COQ10B: variants seen among roughly 807,000 people sequenced by gnomAD.
COQ10B encodes the protein coenzyme Q10B, also known as coenzyme Q-binding protein COQ10 homolog B, mitochondrial.
Under a neutral mutation model 27.6 loss-of-function variants are expected in COQ10B, and 12 were observed. The observed-to-expected ratio is 0.43, with a 90% CI of 0.28 to 0.70. The LOEUF is 0.70. COQ10B is among the 30% of genes least tolerant of loss of function. The pLI is 0.17. For synonymous variants in COQ10B, 115 were observed against 103.0 expected (o/e 1.12, Z -0.71); for missense variants, 278 against 288.7 (o/e 0.96, Z 0.27).
At chr2:197,460,134 G>T (rs1352661440) in intron 2 of COQ10B, 53 bp downstream of exon 2, 15 of 1,346,290 alleles carry the variant, frequency 1.1e-5, no homozygotes, top group Non-Finnish European at 1.5e-5. Flanking sequence ...ATTTTCCGTG[G>T]GGTATCGTGT....
rs538331793 is a variant in COQ10B, at chr2:197,475,209, C to T, written c.*1285C>T. Reference sequence around the variant, plus strand: ...GACATAGTAAAGTGTTACAGCATTTCATGTCTTAAAAATATCTATGAAGAT... The same window carrying T: ...GACATAGTAAAGTGTTACAGCATTTTATGTCTTAAAAATATCTATGAAGAT... On this transcript the variant is annotated 3_prime_UTR_variant, in exon 5 of 5. Transcript: ENST00000263960. 6.6e-6 allele frequency: 1 copy of T among 152,390 alleles called. No homozygotes were observed. The highest frequency in any genetic ancestry group is 2.4e-5 in the African/African-American group (1 of 41,544). 9.4% of individuals were successfully genotyped at this position (152,390 alleles called of 1,614,324 possible). A position where few individuals can be genotyped will look rare whatever the true frequency, so the allele number is the denominator to read the frequency against.
rs539669130 is a variant in COQ10B, at chr2:197,457,669, T to C, written c.105-2263T>C. 1.2e-4 allele frequency among the ~76,000 whole-genome samples: 18 copies of C among 152,128 alleles called. No homozygotes were observed. In the East Asian group the frequency reaches 3.5e-3, roughly 29 times the overall value. On this transcript the variant is annotated intron_variant, in intron 1 of 4. Coordinates refer to ENST00000263960, the MANE Select transcript of COQ10B (RefSeq NM_025147.5). ...GGGAGTCTTGCTCTGTTGCCCAGGC[T>C]GGAGTGCAATGGTGCCGTCTCGGCT...
intron 1 of COQ10B, 160 bp downstream of exon 1, chr2:197,453,824 A>C (rs948837132): frequency 9.6e-7 from 1 of 1,046,158 alleles, no homozygotes; most frequent in East Asian, 2.6e-5. Context: ...TGAGGGACTC[A>C]AGAGCGGCGC....
At chr2:197,467,509 C>T (rs1259480134) in intron 3 of COQ10B, among the ~76,000 whole-genome samples, 2 of 152,122 alleles carry the variant, frequency 1.3e-5, no homozygotes, top group African/African-American at 4.8e-5. Context: ...TCCTGTGTAG[C>T]TGGGATTAAA....
intron 3 of COQ10B, among the ~76,000 whole-genome samples, chr2:197,462,991 C>G (rs2085778233): frequency 6.6e-6 from 1 of 152,096 alleles, no homozygotes; most frequent in Admixed American, 6.6e-5. Flanking sequence ...CAGGACAGAT[C>G]ACTTGCGCCA....
intron 3 of COQ10B, 119 bp from the exon 4 acceptor site, chr2:197,469,951 G>A: frequency 3.3e-6 from 2 of 609,880 alleles, no homozygotes; most frequent in East Asian, 5.9e-5. Context: ...ATCTCCTATG[G>A]TCTGACCTAT....
intron 3 of COQ10B, among the ~76,000 whole-genome samples, chr2:197,467,809 T>C (rs1037482432): frequency 2.6e-5 from 4 of 152,264 alleles, no homozygotes; most frequent in African/African-American, 9.6e-5. Flanking sequence ...GACCAAAACA[T>C]GCCTGTCACT....
At position 197,465,502 on chromosome 2, in the gene COQ10B, C is replaced by T. The variant is rs570852292; in HGVS notation, c.447+2771C>T. 1.4e-4 allele frequency among the ~76,000 whole-genome samples: 21 copies of T among 151,950 alleles called. No individual in the cohort carries two copies. In the South Asian group the frequency reaches 4.1e-3, roughly 30 times the overall value. On this transcript the variant is annotated intron_variant, in intron 3 of 4. Transcript: ENST00000263960. ...AGACGGGGTTTCTCCATATTGGCCA[C>T]GCTGGTCTTGAACTCCTGACCTCAG...
Position 197,460,072 on chromosome 2 carries a change from G to T in COQ10B, c.245G>T (p.Arg82Ile), listed in dbSNP as rs1260686447. 6.2e-7 allele frequency: 1 copy of T among 1,605,024 alleles called. No individual in the cohort carries two copies. ...INKRKEYSER[R>I]ILGYSMQEMY... ...AAAAGGAAAGAATATTCAGAGAGAA[G>T]AATTTTAGGGTTCGTATATGATAAG... The change falls in exon 2 of 5, where the codon AGA becomes ATA. Residue 82 changes from arginine (R) to isoleucine (I), a missense_variant. Coordinates refer to ENST00000263960, the MANE Select transcript of COQ10B (RefSeq NM_025147.5).
Position 197,470,103 on chromosome 2 carries a change from T to C in COQ10B, c.481T>C (p.Leu161=). ...TACTGATGGGAGACTTTTCAATCAT[T>C]TGGAGACTATTTGGCGTTTTAGCCC... ...SCTDGRLFNH[L]ETIWRFSPGL... is the part of the protein sequence containing the mutation. The change falls in exon 4 of 5, where the codon TTG becomes CTG. Residue 161 remains leucine (L), a synonymous_variant. Transcript: ENST00000263960. The C allele has an allele frequency of 6.2e-7, 1 of 1,613,510 alleles. No individual in the cohort carries two copies. The highest frequency in any genetic ancestry group is 8.5e-7 in the Non-Finnish European group (1 of 1,179,570).
At chr2:197,458,641 C>G (rs2085724501) in intron 1 of COQ10B, among the ~76,000 whole-genome samples, 1 of 151,198 alleles carries the variant, frequency 6.6e-6, no homozygotes, top group South Asian at 2.1e-4. Context: ...CTAGTAGTGT[C>G]AAATAGTCAA....
At chr2:197,466,782 C>A (rs142275932) in intron 3 of COQ10B, among the ~76,000 whole-genome samples, 1 of 152,010 alleles carries the variant, frequency 6.6e-6, no homozygotes. Context: ...TTCACACTTG[C>A]ATGTGTCTGA....
chr2:197,460,762 A>G (rs1217693444), intron 2 of COQ10B, among the ~76,000 whole-genome samples: 1 of 152,234 alleles, frequency 6.6e-6, no homozygotes, highest in Non-Finnish European at 1.5e-5. Flanking sequence ...GACAGATAGT[A>G]ACTATATTAG....
intron 3 of COQ10B, 138 bp downstream of exon 3, chr2:197,462,869 G>C: frequency 1.9e-6 from 1 of 527,708 alleles, no homozygotes; most frequent in Non-Finnish European, 3.3e-6. Context: ...TCTCCTAACT[G>C]TGTTACTTTA....
At chr2:197,466,774 C>G (rs1031546980) in intron 3 of COQ10B, among the ~76,000 whole-genome samples, 1 of 151,996 alleles carries the variant, frequency 6.6e-6, no homozygotes, top group African/African-American at 2.4e-5. Flanking sequence ...TGGGCAAATT[C>G]ACACTTGCAT....
Position 197,462,624 on chromosome 2 carries a change from A to C in COQ10B, c.340A>C (p.Ile114Leu). The change falls in exon 3 of 5, where the codon ATA (isoleucine) becomes CTA (leucine). Residue 114 changes from isoleucine (I) to leucine (L), a missense_variant. Ile to Leu is a conservative substitution (Grantham distance 5). Around this residue, in one of 3 missense-constraint regions of COQ10B, gnomAD observed 183 missense variants for 158.2 expected, o/e 1.16. Coordinates refer to ENST00000263960, the MANE Select transcript of COQ10B (RefSeq NM_025147.5). ...FVPWCKKSDV[I>L]SKRSGYCKTR... ...TCCTTGGTGCAAAAAATCAGATGTT[A>C]TATCAAAGAGATCTGGATATTGTAA... 1 of 1,599,782 alleles carries C rather than the reference A, an allele frequency of 6.3e-7. No homozygotes were observed.
intron 4 of COQ10B, among the ~76,000 whole-genome samples, chr2:197,470,837 G>T (rs2085870051): frequency 6.6e-6 from 1 of 152,242 alleles, no homozygotes; most frequent in Non-Finnish European, 1.5e-5. Context: ...GGAGGTTGCA[G>T]TGAGCCGAGA....
intron 3 of COQ10B, among the ~76,000 whole-genome samples, chr2:197,469,687 A>G (rs908879823): frequency 5.3e-5 from 8 of 152,214 alleles, no homozygotes; most frequent in African/African-American, 1.9e-4. Flanking sequence ...AGTAGGTATT[A>G]TTTTACAGAT....
At chr2:197,462,771 A>ATAT (rs1302548639) in intron 3 of COQ10B, 40 bp downstream of exon 3, 1 of 1,216,628 alleles carries the variant, frequency 8.2e-7, no homozygotes, top group Admixed American at 2.7e-5. Flanking sequence ...ATATTCTTCC[A>ATAT]TATATTAACT....
Sources: gnomAD v4.1 joint callset for allele counts (sites outside exome capture counted in the v4.1 genomes callset) on GRCh38, gnomAD v4.1.1 for gene constraint, gnomAD v4.1.1 regional missense constraint, MANE v1.5 for transcripts, NCBI Gene and HGNC (gene_info 2026-07-23, HGNC 2026-07-21) for gene names.